SYDE1: variants seen among roughly 807,000 people sequenced by gnomAD.
The protein encoded by SYDE1 is rho GTPase-activating protein SYDE1.
In SYDE1, 34 loss-of-function variants were observed where a neutral mutation model predicts 63.3. The ratio of observed to expected loss-of-function variants is 0.54; its 90% CI spans 0.41 to 0.71. SYDE1 has a LOEUF of 0.71. SYDE1 is among the 30% of genes least tolerant of loss of function. The probability of loss-of-function intolerance (pLI) is 0.00; values close to 1 mark genes in which losing one functional copy is unlikely to be tolerated. For missense variants in SYDE1, 925 were observed against 1,042.5 expected (o/e 0.89, Z 1.55); for synonymous variants, 467 against 473.4 (o/e 0.99, Z 0.18).
At position 15,110,597 on chromosome 19, in the gene SYDE1, G is replaced by A. The variant is rs1266942489; in HGVS notation, c.1152G>A (p.Gln384=). The stretch of plus-strand genomic sequence containing the variant: ...ATGCCAAGCTGACCCTGTCGGAGCA[G>A]CAGGAAGCCCCTGCCACAGCTGAGC... The part of the protein sequence containing the change: ...LLYAKLTLSE[Q]QEAPATAEPR... Residue 384 remains glutamine, a synonymous_variant, in exon 4 of 8, where the codon CAG becomes CAA. Transcript: ENST00000342784. The surrounding 1 kb of genome is among the most constrained non-coding windows in gnomAD (Gnocchi z 6.9). 1 of 1,594,372 alleles carries A rather than the reference G, an allele frequency of 6.3e-7. No individual in the cohort carries two copies. Among genetic ancestry groups the A allele is most frequent in the African/African-American group, 1.3e-5 (1 of 74,702 alleles).
Position 15,112,494 on chromosome 19 carries a change from C to G in SYDE1, c.1727C>G (p.Ser576Cys), listed in dbSNP as rs2145329187. The G allele has an allele frequency of 6.2e-7, 1 of 1,606,892 alleles. No homozygotes were observed. Among genetic ancestry groups the G allele is most frequent in the African/African-American group, 1.3e-5 (1 of 75,012 alleles). ...QAPTRPRARS[S>C]GPGLASAVDF... ...CCCACAAGGCCTCGTGCCCGCAGCTCCGGCCCAGGCCTTGCCAGTGCAGTG... is the reference window on the plus strand; with the variant it reads ...CCCACAAGGCCTCGTGCCCGCAGCTGCGGCCCAGGCCTTGCCAGTGCAGTG... The change falls in exon 7 of 8, where the codon TCC becomes TGC. Residue 576 changes from serine (S) to cysteine (C), a missense_variant. Physicochemically the swap from Ser to Cys is moderately radical, Grantham distance 112 (BLOSUM62 -1). Coordinates refer to ENST00000342784, the MANE Select transcript of SYDE1 (RefSeq NM_033025.6).
At chr19:15,113,449 T>A (rs1312790180) in intron 7 of SYDE1, 111 bp from the exon 8 acceptor site, 2 of 1,315,372 alleles carry the variant, frequency 1.5e-6, no homozygotes, top group Non-Finnish European at 2.1e-6. Context: ...AGTGAAAACC[T>A]GAAAGGGTCG....
At chr19:15,112,914 A>T (rs917075378) in intron 7 of SYDE1, among the ~76,000 whole-genome samples, 20 of 151,276 alleles carry the variant, frequency 1.3e-4, no homozygotes, top group African/African-American at 4.1e-4. Context: ...TTTATTTTTT[A>T]TTTTTTTTGA....
chr19:15,112,531 C>A lies in SYDE1; in HGVS notation c.1764C>A (p.His588Gln). ...PGLASAVDFK[H>Q]HIEVLHYLLQ... Reference sequence around the variant, plus strand: ...TTGCCAGTGCAGTGGACTTCAAGCACCACATCGAGGTGCTGCACTACCTGC... The same window carrying A: ...TTGCCAGTGCAGTGGACTTCAAGCAACACATCGAGGTGCTGCACTACCTGC... Residue 588 changes from histidine to glutamine, a missense_variant, in exon 7 of 8, where the codon CAC becomes CAA. His to Gln is a conservative substitution (Grantham distance 24). Coordinates refer to ENST00000342784, the MANE Select transcript of SYDE1 (RefSeq NM_033025.6). The A allele has an allele frequency of 6.2e-7, 1 of 1,601,856 alleles. No individual in the cohort carries two copies. The highest frequency in any genetic ancestry group is 8.5e-7 in the Non-Finnish European group (1 of 1,174,392).
Position 15,110,821 on chromosome 19 carries a change from A to C in SYDE1, c.1290+86A>C. The C allele has an allele frequency of 8.2e-7, 1 of 1,224,180 alleles. No homozygotes were observed. Among genetic ancestry groups the C allele is most frequent in the Non-Finnish European group, 1.1e-6 (1 of 899,126 alleles). 75.8% of individuals were successfully genotyped at this position (1,224,180 alleles called of 1,614,324 possible). A position where few individuals can be genotyped will look rare whatever the true frequency, so the allele number is the denominator to read the frequency against. On this transcript the variant is annotated intron_variant, in intron 4 of 7. Transcript: ENST00000342784. This position sits in a 1 kb window ranked among gnomAD's most constrained non-coding sequence, Gnocchi z 6.9. ...CCCTATGTACAGATGCCAGACCCCTACCCCCAGGCCTGAGCCACTCCTAGC... is the reference window on the plus strand; with the variant it reads ...CCCTATGTACAGATGCCAGACCCCTCCCCCCAGGCCTGAGCCACTCCTAGC...
At position 15,110,132 on chromosome 19, in the gene SYDE1, A is replaced by T; in HGVS notation, c.859A>T (p.Arg287Trp). The T allele has an allele frequency of 7.1e-7, 1 of 1,406,872 alleles. No homozygotes were observed. Among genetic ancestry groups the T allele is most frequent in the Non-Finnish European group, 9.2e-7 (1 of 1,086,734 alleles). 87.1% of individuals were successfully genotyped at this position (1,406,872 alleles called of 1,614,324 possible). The change falls in exon 3 of 8, where the codon AGG (arginine) becomes TGG (tryptophan). Residue 287 changes from arginine to tryptophan, a missense_variant. Arg to Trp is a moderately radical substitution (Grantham distance 101, BLOSUM62 -3). Around this residue, in one of 3 missense-constraint regions of SYDE1, gnomAD observed 599 missense variants for 653.7 expected, o/e 0.92. Transcript: ENST00000342784. The surrounding 1 kb of genome is among the most constrained non-coding windows in gnomAD (Gnocchi z 6.9). ...GCGGCCAGCGCCGGGGGCCACCCCC[A>T]GGGACCTCTGCTGCCTACTGCAAGT... Reference protein sequence around the residue: ...GLRPAPGATPRDLCCLLQVDG... With the variant: ...GLRPAPGATPWDLCCLLQVDG...
chr19:15,109,393 C>A lies in SYDE1; in HGVS notation c.426C>A (p.Pro142=), dbSNP rs763259321. 3.9e-6 allele frequency: 6 copies of A among 1,540,742 alleles called. No homozygotes were observed. Among genetic ancestry groups the A allele is most frequent in the Non-Finnish European group, 5.2e-6 (6 of 1,145,866 alleles). The change falls in exon 2 of 8, where the codon CCC becomes CCA. Residue 142 remains proline (P), a synonymous_variant. Transcript: ENST00000342784. The surrounding 1 kb of genome is among the most constrained non-coding windows in gnomAD (Gnocchi z 5.0). ...CAGCTGAGTCAGAGGGCCTGGCCCC[C>A]CAAGGTAAGAACAAGCTTCCCATCC... The part of the protein sequence containing the change: ...PGSAESEGLA[P]QGAAPASPPT...
chr19:15,109,656 C>G lies in SYDE1; in HGVS notation c.431-48C>G. On this transcript the variant is annotated intron_variant, in intron 2 of 7. Coordinates refer to ENST00000342784, the MANE Select transcript of SYDE1 (RefSeq NM_033025.6). This position sits in a 1 kb window ranked among gnomAD's most constrained non-coding sequence, Gnocchi z 5.0. Reference sequence around the variant, plus strand: ...TCAGGGGAGCACCAGCCTCACCCCCCTCCCCTAAGCCCAGGTTCCTGGACC... The same window carrying G: ...TCAGGGGAGCACCAGCCTCACCCCCGTCCCCTAAGCCCAGGTTCCTGGACC... The G allele has an allele frequency of 8.2e-7, 1 of 1,222,254 alleles. No homozygotes were observed. Among genetic ancestry groups the G allele is most frequent in the Non-Finnish European group, 1.1e-6 (1 of 901,590 alleles). 75.7% of individuals were successfully genotyped at this position (1,222,254 alleles called of 1,614,324 possible). A position where few individuals can be genotyped will look rare whatever the true frequency, so the allele number is the denominator to read the frequency against.
At chr19:15,113,522 T>C in intron 7 of SYDE1, 38 bp from the exon 8 acceptor site, 4 of 1,506,938 alleles carry the variant, frequency 2.7e-6, no homozygotes, top group Non-Finnish European at 3.5e-6. Flanking sequence ...AGAGGTCGGC[T>C]GTCGCCTCTT....
In SYDE1 at chr19:15,110,685, C is replaced by T. The variant is rs868379974; in HGVS notation, c.1240C>T (p.Pro414Ser). 1 of 1,582,570 alleles carries T rather than the reference C, an allele frequency of 6.3e-7. No homozygotes were observed. Among genetic ancestry groups the T allele is most frequent in the South Asian group, 1.1e-5 (1 of 87,058 alleles). ...GCGGGAGCGGCCCCCCGGCCAGGTG[C>T]CCCTCATCATCCAGAAGTGCGTTGG... ...VERERPPGQVPLIIQKCVGQI... is the reference protein window; with the variant it reads ...VERERPPGQVSLIIQKCVGQI... The change falls in exon 4 of 8, where the codon CCC becomes TCC. Residue 414 changes from proline (P) to serine (S), a missense_variant. By Grantham distance (74) the Pro-to-Ser change is moderately conservative (BLOSUM62 -1). This residue lies in a region of SYDE1 where 599 missense variants were observed against 653.7 expected (regional missense o/e 0.92). Coordinates refer to ENST00000342784, the MANE Select transcript of SYDE1 (RefSeq NM_033025.6). This position sits in a 1 kb window ranked among gnomAD's most constrained non-coding sequence, Gnocchi z 6.9.
chr19:15,107,826 G>C (rs1457251553), intron 1 of SYDE1, among the ~76,000 whole-genome samples: 1 of 151,848 alleles, frequency 6.6e-6, no homozygotes, highest in African/African-American at 2.4e-5. Context: ...CTGGAGGGTG[G>C]AGGGGAGGAG....
Position 15,113,556 on chromosome 19 carries a change from T to G in SYDE1, c.1805-4T>G. ...TTTCTATGACCTACCCTGTCTCCCT[T>G]CAGATCCCCGCCTGCCCCGACAATC... On this transcript the variant is annotated splice_region_variant and splice_polypyrimidine_tract_variant and intron_variant, in intron 7 of 7. Transcript: ENST00000342784. 1 of 1,541,796 alleles carries G rather than the reference T, an allele frequency of 6.5e-7. No individual in the cohort carries two copies. The highest frequency in any genetic ancestry group is 8.7e-7 in the Non-Finnish European group (1 of 1,145,026).
At position 15,110,835 on chromosome 19, in the gene SYDE1, G is replaced by A; in HGVS notation, c.1290+100G>A. The A allele has an allele frequency of 9.4e-7, 1 of 1,061,980 alleles. No homozygotes were observed. Among genetic ancestry groups the A allele is most frequent in the Non-Finnish European group, 1.3e-6 (1 of 755,252 alleles). The allele number at this position is 1,061,980 out of a possible 1,614,324, so 65.8% of individuals were successfully genotyped here. On this transcript the variant is annotated intron_variant, in intron 4 of 7. Transcript: ENST00000342784. This position sits in a 1 kb window ranked among gnomAD's most constrained non-coding sequence, Gnocchi z 6.9. Reference sequence around the variant, plus strand: ...GCCAGACCCCTACCCCCAGGCCTGAGCCACTCCTAGCTCCAATCCCAACCT... The same window carrying A: ...GCCAGACCCCTACCCCCAGGCCTGAACCACTCCTAGCTCCAATCCCAACCT...
rs200225825 is a variant in SYDE1 at position 15,114,816 on chromosome 19, AGAG to A, written c.*858_*860del. 501 of 288,002 alleles carry A rather than the reference AGAG, an allele frequency of 1.7e-3. 5 individuals are homozygous for A. Among genetic ancestry groups the A allele is most frequent in the African/African-American group, 9.9e-3 (455 of 45,788 alleles). 17.8% of individuals were successfully genotyped at this position (288,002 alleles called of 1,614,324 possible). A position where few individuals can be genotyped will look rare whatever the true frequency, so the allele number is the denominator to read the frequency against. On this transcript the variant is annotated 3_prime_UTR_variant, in exon 8 of 8. Coordinates refer to ENST00000342784, the MANE Select transcript of SYDE1 (RefSeq NM_033025.6). ...CGTGTGGGGCTCTTTCAGGGACCACAGAGGAGGGAGCAGTTTGCAGTGCCCAGC... is the reference window on the plus strand; with the variant it reads ...CGTGTGGGGCTCTTTCAGGGACCACAGAGGGAGCAGTTTGCAGTGCCCAGC...
Position 15,109,078 on chromosome 19 carries a change from G to A in SYDE1, c.111G>A (p.Glu37=). The part of the protein sequence containing the change: ...KERGHPAQRP[E]PSPPEPEPQA... ...CAGGCCACCCAGCCCAGCGCCCAGA[G>A]CCCAGCCCTCCAGAGCCAGAGCCCC... The change falls in exon 2 of 8, where the codon GAG becomes GAA. Residue 37 remains glutamate (E), a synonymous_variant. Coordinates refer to ENST00000342784, the MANE Select transcript of SYDE1 (RefSeq NM_033025.6). This position sits in a 1 kb window ranked among gnomAD's most constrained non-coding sequence, Gnocchi z 5.0. 1 of 1,519,116 alleles carries A rather than the reference G, an allele frequency of 6.6e-7. No individual in the cohort carries two copies. 94.1% of individuals were successfully genotyped at this position (1,519,116 alleles called of 1,614,324 possible). A position where few individuals can be genotyped will look rare whatever the true frequency, so the allele number is the denominator to read the frequency against.
chr19:15,114,146 T>C lies in SYDE1; in HGVS notation c.*183T>C. The C allele has an allele frequency of 1.6e-6, 1 of 618,162 alleles. No homozygotes were observed. Among genetic ancestry groups the C allele is most frequent in the South Asian group, 2.1e-5 (1 of 48,724 alleles). The allele number at this position is 618,162 out of a possible 1,614,324, so 38.3% of individuals were successfully genotyped here. ...ATTCCCAGTTTCCAGGGCCCGGTAT[T>C]TGGACACTAGTTGCCAAGTCTGGGG... is the stretch of plus-strand genomic sequence containing the variant. On this transcript the variant is annotated 3_prime_UTR_variant, in exon 8 of 8. Transcript: ENST00000342784.
Position 15,109,970 on chromosome 19 carries a change from G to C in SYDE1, c.697G>C (p.Gly233Arg). The C allele has an allele frequency of 6.7e-7, 1 of 1,483,536 alleles. No individual in the cohort carries two copies. The highest frequency in any genetic ancestry group is 8.9e-7 in the Non-Finnish European group (1 of 1,124,968). 91.9% of individuals were successfully genotyped at this position (1,483,536 alleles called of 1,614,324 possible). Reference sequence around the variant, plus strand: ...CCCGAGGGCCGGTTACCTCAGCGACGGGGACTCACCGGAGCGCCCAGCTGG... The same window carrying C: ...CCCGAGGGCCGGTTACCTCAGCGACCGGGACTCACCGGAGCGCCCAGCTGG... ...RSPRAGYLSD[G>R]DSPERPAGPP... Residue 233 changes from glycine to arginine, a missense_variant, in exon 3 of 8, where the codon GGG becomes CGG. Physicochemically the swap from Gly to Arg is moderately radical, Grantham distance 125. Transcript: ENST00000342784. This position sits in a 1 kb window ranked among gnomAD's most constrained non-coding sequence, Gnocchi z 5.0.
In SYDE1 at chr19:15,113,554, C is replaced by A; in HGVS notation, c.1805-6C>A. The A allele has an allele frequency of 6.5e-7, 1 of 1,541,000 alleles. No individual in the cohort carries two copies. The highest frequency in any genetic ancestry group is 8.7e-7 in the Non-Finnish European group (1 of 1,144,728). On this transcript the variant is annotated splice_region_variant and splice_polypyrimidine_tract_variant and intron_variant, in intron 7 of 7. Transcript: ENST00000342784. ...TCTTTCTATGACCTACCCTGTCTCC[C>A]TTCAGATCCCCGCCTGCCCCGACAA...
chr19:15,113,852 C>T lies in SYDE1; in HGVS notation c.2097C>T (p.Phe699=). 1.2e-6 allele frequency: 2 copies of T among 1,614,184 alleles called. No homozygotes were observed. The highest frequency in any genetic ancestry group is 2.2e-5 in the East Asian group (1 of 44,878). ...EVGEPRVTGD[F]EDDFDAPFNP... is the part of the protein sequence containing the mutation. The stretch of plus-strand genomic sequence containing the variant: ...GCGAGCCGAGGGTCACCGGTGACTT[C>T]GAAGACGACTTCGATGCGCCCTTCA... The change falls in exon 8 of 8, where the codon TTC becomes TTT. Residue 699 remains phenylalanine, a synonymous_variant. Coordinates refer to ENST00000342784, the MANE Select transcript of SYDE1 (RefSeq NM_033025.6).
Sources: allele counts gnomAD v4.1 joint callset (sites outside exome capture counted in the v4.1 genomes callset), GRCh38; gene constraint gnomAD v4.1.1; regional missense constraint gnomAD v4.1.1; non-coding constraint Gnocchi (gnomAD v3.1); transcripts MANE v1.5; gene names NCBI Gene and HGNC (gene_info 2026-07-23, HGNC 2026-07-21).